The following EIF2AK2 variants were observed in gnomAD, a reference collection of about 807,000 sequenced individuals.
The protein encoded by EIF2AK2 is eukaryotic translation initiation factor 2 alpha kinase 2.
A neutral mutation model predicts 70.5 loss-of-function variants in EIF2AK2; 40 were observed. The observed-to-expected ratio is 0.57, with a 90% CI of 0.44 to 0.74. The LOEUF is 0.74. Among genes scored for constraint, EIF2AK2 ranks in the 30% least tolerant of loss-of-function variants. The pLI is 0.00. For synonymous variants in EIF2AK2, 198 were observed against 220.9 expected (o/e 0.90, Z 0.92); for missense variants, 555 against 644.3 (o/e 0.86, Z 1.50).
At chr2:37,111,935 C>A (rs199924196) in intron 14 of EIF2AK2, among the ~76,000 whole-genome samples, 6,796 of 132,638 alleles carry the variant, frequency 0.051, 222 homozygotes, top group African/African-American at 0.064. Flanking sequence ...CTCTCTCTCT[C>A]TCTCTATATA....
Position 37,102,115 on chromosome 2 carries a change from A to G in EIF2AK2, c.*5158T>C, listed in dbSNP as rs954441208. 1 of 152,004 alleles carries G rather than the reference A, an allele frequency of 6.6e-6. No homozygotes were observed. The highest frequency in any genetic ancestry group is 1.9e-4 in the East Asian group (1 of 5,162). 9.4% of individuals were successfully genotyped at this position (152,004 alleles called of 1,614,324 possible). A position where few individuals can be genotyped will look rare whatever the true frequency, so the allele number is the denominator to read the frequency against. On this transcript the variant is annotated 3_prime_UTR_variant, in exon 17 of 17. Coordinates refer to ENST00000233057, the MANE Select transcript of EIF2AK2 (RefSeq NM_001135651.3). Reference sequence around the variant, plus strand: ...ATTAGTTGGGTGTGTTGGTGTATGCATGTAGTCCCAGCTATTCAAGCGGCT... The same window carrying G: ...ATTAGTTGGGTGTGTTGGTGTATGCGTGTAGTCCCAGCTATTCAAGCGGCT...
chr2:37,117,210 T>A (rs1344435240), intron 13 of EIF2AK2, among the ~76,000 whole-genome samples: 11 of 66,738 alleles, frequency 1.6e-4, no homozygotes, highest in Admixed American at 9.1e-4. Context: ...AGACTCTGTC[T>A]CAAAAAAAAA....
chr2:37,103,380 G>T lies in EIF2AK2; in HGVS notation c.*3893C>A. ...CCAGCTAATTTTTGTATTTTTAGTA[G>T]AGATGGGGTTTCACCATGTTGGCCA... On this transcript the variant is annotated 3_prime_UTR_variant, in exon 17 of 17. Transcript: ENST00000233057. The T allele has an allele frequency of 6.6e-6, 1 of 152,138 alleles. No individual in the cohort carries two copies. Among genetic ancestry groups the T allele is most frequent in the Non-Finnish European group, 1.5e-5 (1 of 68,076 alleles). 9.4% of individuals were successfully genotyped at this position (152,138 alleles called of 1,614,324 possible). A position where few individuals can be genotyped will look rare whatever the true frequency, so the allele number is the denominator to read the frequency against.
At chr2:37,147,387 G>A (rs1041431428) in intron 3 of EIF2AK2, among the ~76,000 whole-genome samples, 3 of 150,720 alleles carry the variant, frequency 2.0e-5, no homozygotes, top group Non-Finnish European at 3.0e-5. Flanking sequence ...ATGTATACAT[G>A]TGCCATGTTG....
At chr2:37,150,348 C>T (rs1468736365) in intron 1 of EIF2AK2, among the ~76,000 whole-genome samples, 2 of 152,178 alleles carry the variant, frequency 1.3e-5, no homozygotes, top group Admixed American at 6.6e-5. Flanking sequence ...ATTCAAACTA[C>T]TTAGTTTTCA....
At position 37,106,697 on chromosome 2, in the gene EIF2AK2, G is replaced by A. The variant is rs1673975671; in HGVS notation, c.*576C>T. On this transcript the variant is annotated 3_prime_UTR_variant, in exon 17 of 17. Transcript: ENST00000233057. ...TTTAATAAATAGATATGAATTGATT[G>A]ATTCATTAATAGTATAAAAAGAAAA... 1 of 151,740 alleles carries A rather than the reference G, an allele frequency of 6.6e-6. No individual in the cohort carries two copies. The highest frequency in any genetic ancestry group is 2.4e-5 in the African/African-American group (1 of 41,280). 9.4% of individuals were successfully genotyped at this position (151,740 alleles called of 1,614,324 possible).
intron 10 of EIF2AK2, 41 bp from the exon 11 acceptor site, chr2:37,126,452 C>T (rs758689720): frequency 1.9e-6 from 3 of 1,588,564 alleles, no homozygotes; most frequent in Non-Finnish European, 2.6e-6. Context: ...ATTTCATGCT[C>T]AACCCCCACC....
chr2:37,130,962 T>A (rs921260243), intron 10 of EIF2AK2, among the ~76,000 whole-genome samples: 7 of 152,214 alleles, frequency 4.6e-5, no homozygotes, highest in African/African-American at 1.7e-4. Context: ...CTAGGATTAA[T>A]CATAACTCCA....
chr2:37,113,940 CT>C (rs1674247132), intron 14 of EIF2AK2, among the ~76,000 whole-genome samples: 1 of 152,162 alleles, frequency 6.6e-6, no homozygotes, highest in South Asian at 2.1e-4. Context: ...TATTCAATCA[CT>C]TTACCTCAAG....
intron 2 of EIF2AK2, among the ~76,000 whole-genome samples, chr2:37,148,164 G>A (rs932276605): frequency 2.0e-5 from 3 of 151,998 alleles, no homozygotes; most frequent in African/African-American, 7.3e-5. Context: ...TTTTGAAATT[G>A]TTTTAAAAAA....
chr2:37,114,593 TA>T (rs1318151714), intron 14 of EIF2AK2, 137 bp downstream of exon 14: 30 of 602,962 alleles, frequency 5.0e-5, no homozygotes, highest in South Asian at 1.2e-4. Context: ...ATAAGAAGAA[TA>T]GGGGTAGAAA....
chr2:37,143,976 G>A (rs377654393), intron 4 of EIF2AK2, among the ~76,000 whole-genome samples: 1 of 152,126 alleles, frequency 6.6e-6, no homozygotes, highest in Non-Finnish European at 1.5e-5. Context: ...TGATCTAAAG[G>A]ATAATCATGT....
intron 14 of EIF2AK2, among the ~76,000 whole-genome samples, chr2:37,114,227 G>T (rs1573001230): frequency 6.6e-6 from 1 of 152,256 alleles, no homozygotes; most frequent in Middle Eastern, 3.4e-3. Context: ...TTGAGCCCAA[G>T]ATTTTGAGGC....
chr2:37,108,110 C>T (rs941450902), intron 15 of EIF2AK2, among the ~76,000 whole-genome samples: 1 of 149,760 alleles, frequency 6.7e-6, no homozygotes, highest in African/African-American at 2.5e-5. Context: ...CGCGCCATTG[C>T]ACTCCAGCCT....
In EIF2AK2 at chr2:37,107,185, G is replaced by T. The variant is rs1401458808; in HGVS notation, c.*88C>A. 3 of 1,403,876 alleles carry T rather than the reference G, an allele frequency of 2.1e-6. No homozygotes were observed. The highest frequency in any genetic ancestry group is 1.7e-5 in the South Asian group (1 of 60,282). 87.0% of individuals were successfully genotyped at this position (1,403,876 alleles called of 1,614,324 possible). ...AATTAAAGGAAACATTAAAATAAAAGGTAAATATCTATTGATATTCCCTAG... is the reference window on the plus strand; with the variant it reads ...AATTAAAGGAAACATTAAAATAAAATGTAAATATCTATTGATATTCCCTAG... On this transcript the variant is annotated 3_prime_UTR_variant, in exon 17 of 17. Coordinates refer to ENST00000233057, the MANE Select transcript of EIF2AK2 (RefSeq NM_001135651.3).
intron 9 of EIF2AK2, 97 bp downstream of exon 9, chr2:37,136,886 A>T: frequency 1.8e-6 from 2 of 1,139,630 alleles, no homozygotes; most frequent in Non-Finnish European, 2.4e-6. Flanking sequence ...ACTCTGCTCA[A>T]ATAAGGGTGT....
chr2:37,116,053 C>T (rs1674329864), intron 13 of EIF2AK2, among the ~76,000 whole-genome samples: 1 of 151,852 alleles, frequency 6.6e-6, no homozygotes, highest in South Asian at 2.1e-4. Context: ...TGTGCCACAA[C>T]GCTTGGCTAA....
chr2:37,129,527 AC>A (rs1674867978), intron 10 of EIF2AK2, among the ~76,000 whole-genome samples: 1 of 152,146 alleles, frequency 6.6e-6, no homozygotes, highest in African/African-American at 2.4e-5. Context: ...CTTCGCCCCC[AC>A]ATCTAGTGAG....
intron 13 of EIF2AK2, among the ~76,000 whole-genome samples, chr2:37,116,323 G>A (rs894285818): frequency 5.3e-5 from 8 of 151,528 alleles, no homozygotes; most frequent in Non-Finnish European, 1.0e-4. Flanking sequence ...CAGCTCAAGC[G>A]ATCCTCCCAC....
Sources: gnomAD v4.1 joint callset for allele counts (sites outside exome capture counted in the v4.1 genomes callset) on GRCh38, gnomAD v4.1.1 for gene constraint, MANE v1.5 for transcripts, NCBI Gene and HGNC (gene_info 2026-07-23, HGNC 2026-07-21) for gene names.